The following STK3 variants were observed in gnomAD, a reference collection of about 807,000 sequenced individuals.
The protein encoded by STK3 is serine/threonine-protein kinase 3.
STK3 carries 41 observed loss-of-function variants against 58.0 expected under a neutral mutation model. The ratio of observed to expected loss-of-function variants is 0.71; its 90% confidence interval spans 0.55 to 0.92. The LOEUF is 0.92. Among genes scored for constraint, STK3 ranks in the 40% least tolerant of loss-of-function variants. The pLI, the probability that STK3 is intolerant of heterozygous loss-of-function variation, is 0.00. For missense variants in STK3, 479 were observed against 602.7 expected (o/e 0.79, Z 2.15); for synonymous variants, 170 against 191.0 (o/e 0.89, Z 0.91).
rs35196007 is a variant in STK3, at chr8:98,864,197, C to CAAA, written c.110+19447_110+19449dup. Among the ~76,000 whole-genome samples, 15 of 37,442 alleles carry CAAA rather than the reference C, an allele frequency of 4.0e-4. 2 individuals are homozygous for CAAA. The highest frequency in any genetic ancestry group is 1.1e-3 in the African/African-American group (8 of 7,522). The allele number at this position is 37,442 out of a possible 152,430, so 24.6% of individuals were successfully genotyped here. A position where few individuals can be genotyped will look rare whatever the true frequency, so the allele number is the denominator to read the frequency against. On this transcript the variant is annotated intron_variant, in intron 3 of 12. Coordinates refer to the STK3 transcript ENST00000523601. ...TGGGCGACAGAGCGAGACTCCTTCT[C>CAAA]AAAAAAAAAAAAAAAAAAAAAAAAA...
upstream of STK3, among the ~76,000 whole-genome samples, chr8:98,826,509 A>G (rs1835312589): frequency 1.3e-5 from 2 of 152,196 alleles, no homozygotes; most frequent in South Asian, 4.1e-4. Context: ...TAACCTGGCA[A>G]GCCTGTCACA....
chr8:98,643,883 C>G (rs1394065815), intron 6 of STK3, among the ~76,000 whole-genome samples: 1 of 152,084 alleles, frequency 6.6e-6, no homozygotes, highest in Non-Finnish European at 1.5e-5. Flanking sequence ...ATGGCATGCA[C>G]CTGTAGTCCC....
At chr8:98,568,298 T>C (rs565919271) in intron 8 of STK3, among the ~76,000 whole-genome samples, 6 of 152,024 alleles carry the variant, frequency 3.9e-5, no homozygotes, top group African/African-American at 1.4e-4. Context: ...AGCACAGGAA[T>C]TGAATAGATA....
At chr8:98,752,376 G>C (rs1055443487) in intron 3 of STK3, among the ~76,000 whole-genome samples, 1 of 152,132 alleles carries the variant, frequency 6.6e-6, no homozygotes, top group African/African-American at 2.4e-5. Context: ...TCAATAAATG[G>C]TGCTGGGATA....
At chr8:98,353,673 G>C in the STK3 span, among the ~76,000 whole-genome samples, 1 of 152,138 alleles carries the variant, frequency 6.6e-6, no homozygotes, top group Admixed American at 6.5e-5. Context: ...ACATGTAGCA[G>C]ATGAAGGCAA....
intron 3 of STK3, among the ~76,000 whole-genome samples, chr8:98,838,055 C>T (rs1401169825): frequency 7.1e-6 from 1 of 141,596 alleles, no homozygotes; most frequent in Non-Finnish European, 1.5e-5. Flanking sequence ...AGGGTGAAAC[C>T]GTGTCTCTAC....
At chr8:98,591,856 T>G (rs922094166) in intron 7 of STK3, among the ~76,000 whole-genome samples, 1 of 152,198 alleles carries the variant, frequency 6.6e-6, no homozygotes. Context: ...GAAGATAAAG[T>G]ATAATGTAGT....
intron 6 of STK3, among the ~76,000 whole-genome samples, chr8:98,665,466 G>A (rs1238625535): frequency 6.6e-6 from 1 of 152,080 alleles, no homozygotes; most frequent in Non-Finnish European, 1.5e-5. Flanking sequence ...GCACAATCAT[G>A]ACTCACTGTA....
In STK3 at chr8:98,860,115, G is replaced by A. The variant is rs558546386; in HGVS notation, c.110+23532C>T. Among the ~76,000 whole-genome samples the A allele has an allele frequency of 2.6e-5, 4 of 152,258 alleles. No homozygotes were observed. In the South Asian group the frequency reaches 6.2e-4, roughly 24 times the overall value. ...TCAATATTTATTTACTACTATGTGC[G>A]AGCCACTTTTCTAGGTGCTGGGATG... On this transcript the variant is annotated intron_variant, in intron 3 of 12. Transcript: ENST00000523601.
intron 3 of STK3, among the ~76,000 whole-genome samples, chr8:98,877,816 T>G (rs1175889903): frequency 1.3e-5 from 2 of 152,062 alleles, no homozygotes; most frequent in Non-Finnish European, 2.9e-5. Context: ...GAAAAAAACT[T>G]GAAAAAATAT....
chr8:98,629,096 A>T (rs770125551), intron 6 of STK3, among the ~76,000 whole-genome samples: 4 of 152,186 alleles, frequency 2.6e-5, no homozygotes, highest in Admixed American at 2.6e-4. Flanking sequence ...TTTTCCCCCA[A>T]TAAGAGATTT....
chr8:98,851,696 T>A (rs1324766150), intron 3 of STK3, among the ~76,000 whole-genome samples: 1 of 152,142 alleles, frequency 6.6e-6, no homozygotes, highest in African/African-American at 2.4e-5. Flanking sequence ...CATGGTGGCT[T>A]ATGCCTATAA....
chr8:98,768,794 C>T lies in STK3; in HGVS notation c.108-1423G>A, dbSNP rs755637216. ...GAGAAAAACACGTATGTGTGAATGA[C>T]GAAAGGAGAAACCATTTTTCTCCAG... On this transcript the variant is annotated intron_variant, in intron 2 of 10. Coordinates refer to ENST00000419617, the MANE Select transcript of STK3 (RefSeq NM_006281.4). Among the ~76,000 whole-genome samples, 24 of 152,328 alleles carry T rather than the reference C, an allele frequency of 1.6e-4. No individual in the cohort carries two copies. The East Asian group carries it at 2.9e-3, about 18-fold the overall frequency.
rs112936588 is a variant in STK3, at chr8:98,939,952, G to C, written c.-79+2426C>G. On this transcript the variant is annotated intron_variant, in intron 1 of 1. Transcript: ENST00000519420. ...GGTAAACCTGGTCTTCCTTGTCACGGACACTGAAGCGCTTGGTTCGAAAAG... is the reference window on the plus strand; with the variant it reads ...GGTAAACCTGGTCTTCCTTGTCACGCACACTGAAGCGCTTGGTTCGAAAAG... Among the ~76,000 whole-genome samples, 265 of 152,376 alleles carry C rather than the reference G, an allele frequency of 1.7e-3. 1 individual carries two copies. The highest frequency in any genetic ancestry group is 6.0e-3 in the African/African-American group (251 of 41,600).
intron 1 of STK3, among the ~76,000 whole-genome samples, chr8:98,806,326 C>T (rs1162831127): frequency 1.3e-5 from 2 of 152,084 alleles, no homozygotes; most frequent in African/African-American, 4.8e-5. Flanking sequence ...CCTATATAAA[C>T]GCTTATGGCT....
At chr8:98,859,833 C>T (rs1169486085) in intron 3 of STK3, among the ~76,000 whole-genome samples, 2 of 152,126 alleles carry the variant, frequency 1.3e-5, no homozygotes, top group East Asian at 1.9e-4. Context: ...AATGGAAGGA[C>T]GTTTATTGAG....
intron 9 of STK3, among the ~76,000 whole-genome samples, chr8:98,545,177 C>T (rs1810599245): frequency 6.6e-6 from 1 of 152,196 alleles, no homozygotes; most frequent in Admixed American, 6.5e-5. Context: ...AACCAACCTG[C>T]TTTTACCCAG....
intron 6 of STK3, among the ~76,000 whole-genome samples, chr8:98,667,006 A>C (rs1338991009): frequency 6.6e-6 from 1 of 152,178 alleles, no homozygotes; most frequent in Non-Finnish European, 1.5e-5. Flanking sequence ...CTCAATTGTC[A>C]ATAACTGAAG....
Position 98,441,601 on chromosome 8 carries a change from G to A in STK3, n.186-4393C>T, listed in dbSNP as rs189211385. ...GCACAAACATAAAGTCTGTTTTCAA[G>A]TCAGATGGAAACTCAGTAGTTACTG... On this transcript the variant is annotated intron_variant and non_coding_transcript_variant, in intron 1 of 3. Transcript: ENST00000517832. 4.3e-4 allele frequency among the ~76,000 whole-genome samples: 66 copies of A among 152,320 alleles called. 1 individual carries two copies. Among genetic ancestry groups the A allele is most frequent in the South Asian group, 2.9e-3 (14 of 4,826 alleles).
Sources: gnomAD v4.1 joint callset for allele counts (sites outside exome capture counted in the v4.1 genomes callset) on GRCh38, gnomAD v4.1.1 for gene constraint, MANE v1.5 for transcripts, NCBI Gene and HGNC (gene_info 2026-07-23, HGNC 2026-07-21) for gene names.